The following AGBL4 variants were observed in gnomAD, a reference collection of about 807,000 sequenced individuals.
The protein encoded by AGBL4 is cytosolic carboxypeptidase 6.
A neutral mutation model predicts 66.4 loss-of-function variants in AGBL4; 58 were observed. That is an observed-to-expected ratio of 0.87 (90% CI 0.71 to 1.09). The LOEUF (loss-of-function observed/expected upper bound fraction) is 1.09, where lower values mean the gene tolerates loss of function less well. Among genes scored for constraint, AGBL4 ranks in the 50% least tolerant of loss-of-function variants. AGBL4 has a pLI of 0.00. For missense variants in AGBL4, 579 were observed against 631.0 expected (o/e 0.92, Z 0.88); for synonymous variants, 234 against 222.9 (o/e 1.05, Z -0.44).
intron 6 of AGBL4, among the ~76,000 whole-genome samples, chr1:48,765,194 T>A (rs1644471446): frequency 6.6e-6 from 1 of 152,248 alleles, no homozygotes; most frequent in African/African-American, 2.4e-5. Context: ...CACTGGCGTA[T>A]GAGTAACCTC....
intron 3 of AGBL4, among the ~76,000 whole-genome samples, chr1:49,614,022 C>A (rs954596164): frequency 6.6e-6 from 1 of 152,140 alleles, no homozygotes; most frequent in South Asian, 2.1e-4. Context: ...CTGTTTAGAA[C>A]ACACTTGTTT....
intron 5 of AGBL4, among the ~76,000 whole-genome samples, chr1:48,933,276 A>G (rs545652214): frequency 1.3e-5 from 2 of 152,312 alleles, no homozygotes; most frequent in Admixed American, 1.3e-4. Flanking sequence ...AGAAATACCT[A>G]GAAAATCTTA....
chr1:49,665,010 T>G (rs529861761), intron 3 of AGBL4, among the ~76,000 whole-genome samples: 1 of 152,282 alleles, frequency 6.6e-6, no homozygotes, highest in South Asian at 2.1e-4. Context: ...GAAACCTTAG[T>G]AACTATATTA....
intron 4 of AGBL4, among the ~76,000 whole-genome samples, chr1:49,095,206 C>A (rs1277481316): frequency 6.6e-6 from 1 of 152,178 alleles, no homozygotes; most frequent in Admixed American, 6.6e-5. Flanking sequence ...AATGGAAGAA[C>A]ATTCCATGCT....
At chr1:49,925,805 G>A (rs1652709079) in intron 1 of AGBL4, among the ~76,000 whole-genome samples, 1 of 152,190 alleles carries the variant, frequency 6.6e-6, no homozygotes, top group Non-Finnish European at 1.5e-5. Flanking sequence ...GAGTTGGTGA[G>A]GGAAGAGTGG....
intron 6 of AGBL4, among the ~76,000 whole-genome samples, chr1:48,701,006 G>T (rs74076231): frequency 0.011 from 1,718 of 152,250 alleles, 41 homozygotes; most frequent in African/African-American, 0.039. Flanking sequence ...AAAACTCTTG[G>T]CTGAAGTGCA....
At chr1:48,822,035 G>T (rs1570752623) in intron 6 of AGBL4, among the ~76,000 whole-genome samples, 2 of 152,220 alleles carry the variant, frequency 1.3e-5, no homozygotes, top group Admixed American at 1.3e-4. Context: ...ACTCACTGGA[G>T]TAACAAAACT....
chr1:48,627,422 T>G (rs1023776452), intron 9 of AGBL4, among the ~76,000 whole-genome samples: 3 of 152,158 alleles, frequency 2.0e-5, no homozygotes, highest in Non-Finnish European at 2.9e-5. Flanking sequence ...TGTGTGTATC[T>G]GTGTGTGTAT....
chr1:48,786,393 A>G (rs1032425304), intron 6 of AGBL4, among the ~76,000 whole-genome samples: 1 of 152,182 alleles, frequency 6.6e-6, no homozygotes, highest in Non-Finnish European at 1.5e-5. Context: ...GGTTTCTTTG[A>G]TTCGAAACTT....
At chr1:49,215,078 T>C (rs573292058) in intron 4 of AGBL4, among the ~76,000 whole-genome samples, 1 of 152,270 alleles carries the variant, frequency 6.6e-6, no homozygotes, top group East Asian at 1.9e-4. Flanking sequence ...CTTCTACTTA[T>C]ATGTAGATTC....
chr1:48,608,194 T>C (rs1283040139), intron 9 of AGBL4, among the ~76,000 whole-genome samples: 1 of 152,332 alleles, frequency 6.6e-6, no homozygotes, highest in Non-Finnish European at 1.5e-5. Flanking sequence ...AAATTGACTC[T>C]AATTCTAGGT....
At chr1:49,448,354 C>G (rs1312651365) in intron 3 of AGBL4, among the ~76,000 whole-genome samples, 1 of 152,108 alleles carries the variant, frequency 6.6e-6, no homozygotes, top group African/African-American at 2.4e-5. Context: ...CTCCCCGTCT[C>G]CTTCATGATG....
At chr1:49,215,092 A>AT (rs1010101119) in intron 4 of AGBL4, among the ~76,000 whole-genome samples, 16 of 151,982 alleles carry the variant, frequency 1.1e-4, no homozygotes, top group Middle Eastern at 3.4e-3. Context: ...TAGATTCATG[A>AT]TTTTTTTTGT....
At chr1:48,992,296 T>A (rs1042398645) in intron 5 of AGBL4, among the ~76,000 whole-genome samples, 2 of 151,992 alleles carry the variant, frequency 1.3e-5, no homozygotes, top group Admixed American at 6.6e-5. Context: ...TCTGAAAGAA[T>A]TATCTGGATT....
At chr1:48,767,225 T>C (rs1437652292) in intron 6 of AGBL4, among the ~76,000 whole-genome samples, 1 of 152,202 alleles carries the variant, frequency 6.6e-6, no homozygotes, top group Admixed American at 6.5e-5. Context: ...AGTTAACCTG[T>C]CTGAGACTCA....
At chr1:49,881,230 A>G (rs1352505341) in intron 1 of AGBL4, among the ~76,000 whole-genome samples, 2 of 152,020 alleles carry the variant, frequency 1.3e-5, no homozygotes, top group Non-Finnish European at 2.9e-5. Context: ...ATCATTTTTT[A>G]TGGCTGCATA....
intron 6 of AGBL4, among the ~76,000 whole-genome samples, chr1:48,743,307 T>C (rs936831701): frequency 6.6e-6 from 1 of 152,176 alleles, no homozygotes; most frequent in Non-Finnish European, 1.5e-5. Flanking sequence ...AAGCCCCTGA[T>C]TGCCTGATCC....
chr1:48,627,224 G>A (rs1328593620), intron 9 of AGBL4, among the ~76,000 whole-genome samples: 1 of 152,112 alleles, frequency 6.6e-6, no homozygotes, highest in African/African-American at 2.4e-5. Flanking sequence ...AACAGACCTC[G>A]GTTTAATTGA....
chr1:50,001,202 T>C (rs993486972), intron 1 of AGBL4, among the ~76,000 whole-genome samples: 2 of 150,784 alleles, frequency 1.3e-5, no homozygotes, highest in Admixed American at 6.6e-5. Context: ...TTTATATATA[T>C]AAAATATTTC....
Sources: gnomAD v4.1 joint callset for allele counts (sites outside exome capture counted in the v4.1 genomes callset) on GRCh38, gnomAD v4.1.1 for gene constraint, MANE v1.5 for transcripts, NCBI Gene and HGNC (gene_info 2026-07-23, HGNC 2026-07-21) for gene names.